The following CDH3 variants were observed in gnomAD, a reference collection of about 807,000 sequenced individuals.
CDH3 encodes cadherin 3, also known as cadherin-3.
In CDH3, 54 loss-of-function variants were observed where a neutral mutation model predicts 82.0. The ratio of observed to expected loss-of-function variants is 0.66; its 90% CI spans 0.53 to 0.83. The LOEUF (loss-of-function observed/expected upper bound fraction) is 0.83, where lower values mean the gene tolerates loss of function less well. Among genes scored for constraint, CDH3 ranks in the 40% least tolerant of loss-of-function variants. CDH3 has a pLI of 0.00. For missense variants in CDH3, 1,054 were observed against 1,084.6 expected (o/e 0.97, Z 0.40); for synonymous variants, 446 against 437.9 (o/e 1.02, Z -0.23).
At position 68,691,925 on chromosome 16, in the gene CDH3, G is replaced by A; in HGVS notation, c.2001G>A (p.Leu667=). 8 of 1,610,674 alleles carry A rather than the reference G, an allele frequency of 5.0e-6. No homozygotes were observed. The highest frequency in any genetic ancestry group is 5.9e-6 in the Non-Finnish European group (7 of 1,177,974). Residue 667 remains leucine, a splice_region_variant and synonymous_variant, in exon 13 of 16, where the codon CTG becomes CTA. Coordinates refer to ENST00000264012, the MANE Select transcript of CDH3 (RefSeq NM_001793.6). ...TGCTGGGGGCTGTCCTGGCTCTGCT[G>A]TGTGAGTACCAGGCCCCCACCCCCT... ...LPVLGAVLAL[L]FLLLVLLLLV...
At chr16:68,712,138 A>G (rs904301910) in intron 1 of CDH3, among the ~76,000 whole-genome samples, 2 of 147,032 alleles carry the variant, frequency 1.4e-5, no homozygotes, top group Admixed American at 1.4e-4. Context: ...CCCAGGCTCG[A>G]GCAATCCTCC....
chr16:68,677,884 G>A (rs1471133828), intron 3 of CDH3, among the ~76,000 whole-genome samples: 1 of 151,804 alleles, frequency 6.6e-6, no homozygotes, highest in African/African-American at 2.4e-5. Flanking sequence ...TAAACACCGA[G>A]TTTCCCTTGC....
chr16:68,679,094 T>C (rs1961128943), intron 6 of CDH3, among the ~76,000 whole-genome samples, 188 bp downstream of exon 6: 1 of 152,220 alleles, frequency 6.6e-6, no homozygotes, highest in Non-Finnish European at 1.5e-5. Context: ...CTCTGGAATC[T>C]GTATATTTGA....
chr16:68,675,446 C>T (rs1464502535), intron 2 of CDH3, among the ~76,000 whole-genome samples: 1 of 152,158 alleles, frequency 6.6e-6, no homozygotes, highest in Non-Finnish European at 1.5e-5. Flanking sequence ...TGTGAATATT[C>T]TCTAGTGTGT....
rs552898585 is a variant in CDH3 at position 68,648,751 on chromosome 16, C to G, written c.160+3001C>G. On this transcript the variant is annotated intron_variant, in intron 2 of 15. Coordinates refer to ENST00000264012, the MANE Select transcript of CDH3 (RefSeq NM_001793.6). ...GGTACGATCCACTGTGCCCAGCTCC[C>G]TGGCATTTTTTACTACCAGAAAGCA... Among the ~76,000 whole-genome samples, 6 of 152,206 alleles carry G rather than the reference C, an allele frequency of 3.9e-5. No individual in the cohort carries two copies. The South Asian group carries it at 1.2e-3, about 32-fold the overall frequency.
At chr16:68,696,991 C>G (rs1356317707) in intron 15 of CDH3, 2 of 149,944 alleles carry the variant, frequency 1.3e-5, no homozygotes, top group African/African-American at 4.9e-5. Context: ...GTCGTGCGCC[C>G]CCCACACCTG....
intron 1 of CDH3, among the ~76,000 whole-genome samples, chr16:68,706,977 G>A (rs1325759736): frequency 6.6e-6 from 1 of 152,152 alleles, no homozygotes; most frequent in Non-Finnish European, 1.5e-5. Context: ...AGTAAAATAC[G>A]TGGTCTAGTA....
downstream of CDH3, among the ~76,000 whole-genome samples, chr16:68,728,750 G>A (rs1394237300): frequency 2.0e-5 from 3 of 152,214 alleles, no homozygotes; most frequent in Non-Finnish European, 4.4e-5. Flanking sequence ...AAAACCACAA[G>A]GTGAAGGGGC....
intron 1 of CDH3, 50 bp downstream of exon 1, chr16:68,645,474 C>A: frequency 8.2e-6 from 13 of 1,594,338 alleles, no homozygotes; most frequent in Non-Finnish European, 1.1e-5. Context: ...CCCTGGGGGG[C>A]GGGCGGGGTC....
chr16:68,719,156 T>C (rs375233991), intron 1 of CDH3, among the ~76,000 whole-genome samples: 4 of 151,586 alleles, frequency 2.6e-5, no homozygotes, highest in East Asian at 3.9e-4. Flanking sequence ...ACAGGGAGAA[T>C]TGCTTGAACC....
intron 7 of CDH3, 136 bp from the exon 8 acceptor site, chr16:68,680,832 G>A: frequency 1.1e-6 from 1 of 940,618 alleles, no homozygotes; most frequent in Admixed American, 1.8e-5. Flanking sequence ...GTGAGGGGTG[G>A]TCAAGGAGTC....
At chr16:68,703,655 TGGG>T (rs886539834), downstream of CDH3, among the ~76,000 whole-genome samples, 14 of 152,144 alleles carry the variant, frequency 9.2e-5, no homozygotes, top group African/African-American at 3.4e-4. Flanking sequence ...TCATCTAAAA[TGGG>T]GGAGTAGGCT....
chr16:68,666,374 A>G (rs72785133), intron 2 of CDH3, among the ~76,000 whole-genome samples: 26,407 of 152,040 alleles, frequency 0.17, 2,543 homozygotes, highest in Non-Finnish European at 0.22. Context: ...CAATAGGTGC[A>G]CCCAGGGCTC....
Position 68,645,328 on chromosome 16 carries a change from C to G in CDH3, c.-52C>G, listed in dbSNP as rs1474685788. 2.5e-6 allele frequency: 4 copies of G among 1,588,172 alleles called. No individual in the cohort carries two copies. In the East Asian group the frequency reaches 6.8e-5, roughly 27 times the overall value. ...GGTGCTCAAAGGGGCAAGAGCTGAG[C>G]GGAACACCGGCCCGCCGTCGCGGCA... is the stretch of plus-strand genomic sequence containing the variant. On this transcript the variant is annotated 5_prime_UTR_variant, in exon 1 of 16. Coordinates refer to ENST00000264012, the MANE Select transcript of CDH3 (RefSeq NM_001793.6).
At position 68,680,084 on chromosome 16, in the gene CDH3, G is replaced by A. The variant is rs1025283724; in HGVS notation, c.867+110G>A. 3.8e-6 allele frequency: 4 copies of A among 1,053,266 alleles called. No homozygotes were observed. The African/African-American group carries it at 4.7e-5, about 12-fold the overall frequency. 65.2% of individuals were successfully genotyped at this position (1,053,266 alleles called of 1,614,324 possible). A position where few individuals can be genotyped will look rare whatever the true frequency, so the allele number is the denominator to read the frequency against. On this transcript the variant is annotated intron_variant, in intron 7 of 15. Transcript: ENST00000264012. ...CCCACAAAGCCCAAGGCAGAACAGT[G>A]AGGACCCACGTCAGCTGGGATGGCC...
At chr16:68,672,561 G>A (rs967676574) in intron 2 of CDH3, among the ~76,000 whole-genome samples, 2 of 152,298 alleles carry the variant, frequency 1.3e-5, no homozygotes, top group Admixed American at 6.5e-5. Context: ...GGCAATAAAG[G>A]GCAGGGCCAC....
At chr16:68,680,462 T>C (rs1961186810) in intron 7 of CDH3, among the ~76,000 whole-genome samples, 1 of 152,198 alleles carries the variant, frequency 6.6e-6, no homozygotes, top group African/African-American at 2.4e-5. Flanking sequence ...GAGGATCACT[T>C]GAGGTCAAGA....
downstream of CDH3, among the ~76,000 whole-genome samples, chr16:68,729,229 C>A (rs542513616): frequency 3.3e-5 from 5 of 152,260 alleles, no homozygotes; most frequent in South Asian, 6.2e-4. Context: ...TGCTTGAACC[C>A]GGGAGGCGGA....
In CDH3 at chr16:68,680,826, G is replaced by C. The variant is rs369908277; in HGVS notation, c.868-142G>C. 1.1e-4 allele frequency: 96 copies of C among 864,632 alleles called. No homozygotes were observed. In the African/African-American group the frequency reaches 1.4e-3, roughly 13 times the overall value. 53.6% of individuals were successfully genotyped at this position (864,632 alleles called of 1,614,324 possible). A position where few individuals can be genotyped will look rare whatever the true frequency, so the allele number is the denominator to read the frequency against. ...CTTCTGTTCTCCTGGCAGTGGGTGA[G>C]GGGTGGTCAAGGAGTCAGCGTTATG... On this transcript the variant is annotated intron_variant, in intron 7 of 15. Transcript: ENST00000264012.
Sources: allele counts gnomAD v4.1 joint callset (sites outside exome capture counted in the v4.1 genomes callset), GRCh38; gene constraint gnomAD v4.1.1; transcripts MANE v1.5; gene names NCBI Gene and HGNC (gene_info 2026-07-23, HGNC 2026-07-21).